Variants in CAMSAP2 observed in about 807,000 individuals in gnomAD.
The protein encoded by CAMSAP2 is calmodulin regulated spectrin associated protein family member 2, also known as calmodulin-regulated spectrin-associated protein 2.
A neutral mutation model predicts 146.1 loss-of-function variants in CAMSAP2; 26 were observed. The ratio of observed to expected loss-of-function variants is 0.18; its 90% CI spans 0.13 to 0.25. The LOEUF is 0.25. CAMSAP2 is among the 10% of genes least tolerant of loss of function. CAMSAP2 has a pLI of 1.00. For missense variants in CAMSAP2, 1,381 were observed against 1,759.3 expected (o/e 0.78, Z 3.85); for synonymous variants, 499 against 596.6 (o/e 0.84, Z 2.38).
chr1:200,830,503 C>A (rs980372099), intron 4 of CAMSAP2, among the ~76,000 whole-genome samples: 1 of 152,182 alleles, frequency 6.6e-6, no homozygotes, highest in South Asian at 2.1e-4. Flanking sequence ...TGAGGATGTC[C>A]AAGAGGCAGA....
At chr1:200,817,047 T>C (rs545759222) in intron 4 of CAMSAP2, among the ~76,000 whole-genome samples, 5 of 140,820 alleles carry the variant, frequency 3.6e-5, no homozygotes, top group Non-Finnish European at 8.0e-5. Context: ...CATACACACG[T>C]GTATGTGTAT....
rs199923397 is a variant in CAMSAP2, at chr1:200,747,974, G to A, written c.139+8008G>A. 9.7e-4 allele frequency among the ~76,000 whole-genome samples: 133 copies of A among 137,720 alleles called. No individual in the cohort carries two copies. In the East Asian group the frequency reaches 0.024, roughly 25 times the overall value. 90.3% of individuals were successfully genotyped at this position (137,720 alleles called of 152,430 possible). On this transcript the variant is annotated intron_variant, in intron 1 of 16. Transcript: ENST00000358823. ...TGCACTCCAGCCTGGGCGACAGAGC[G>A]AGACTCCGTCTCAAAAAAAAAAAAA...
chr1:200,831,336 A>G (rs912674876), intron 4 of CAMSAP2, among the ~76,000 whole-genome samples: 4 of 152,148 alleles, frequency 2.6e-5, no homozygotes, highest in Admixed American at 6.5e-5. Context: ...CAGTGGTTCT[A>G]TGAAGTGGGT....
intron 14 of CAMSAP2, among the ~76,000 whole-genome samples, chr1:200,855,650 G>A (rs1667729832): frequency 6.6e-6 from 1 of 151,696 alleles, no homozygotes; most frequent in Admixed American, 6.6e-5. Flanking sequence ...AGGCTAGAGT[G>A]CAGTGACACG....
chr1:200,830,366 G>A (rs1185333239), intron 4 of CAMSAP2, among the ~76,000 whole-genome samples: 1 of 152,330 alleles, frequency 6.6e-6, no homozygotes, highest in Non-Finnish European at 1.5e-5. Flanking sequence ...TTGTACAAAA[G>A]TGCTACTTTG....
chr1:200,765,537 T>C (rs1025722707), intron 2 of CAMSAP2, among the ~76,000 whole-genome samples: 2 of 152,146 alleles, frequency 1.3e-5, no homozygotes, highest in African/African-American at 4.8e-5. Context: ...CCATATGTTA[T>C]GTTCTATGTA....
intron 2 of CAMSAP2, among the ~76,000 whole-genome samples, chr1:200,792,683 G>A (rs1210623013): frequency 1.3e-5 from 2 of 152,146 alleles, no homozygotes; most frequent in African/African-American, 4.8e-5. Context: ...ATCCCAAAAA[G>A]TTACATACTG....
Position 200,834,608 on chromosome 1 carries a change from C to T in CAMSAP2, c.927+1763C>T, listed in dbSNP as rs1035612408. 3.3e-5 allele frequency among the ~76,000 whole-genome samples: 5 copies of T among 152,166 alleles called. No individual in the cohort carries two copies. The East Asian group carries it at 9.7e-4, about 29-fold the overall frequency. ...TTGAGTCATATTAATTTATGAAATA[C>T]TGAACTACAATATAAAAACTTCAGG... is the stretch of plus-strand genomic sequence containing the variant. On this transcript the variant is annotated intron_variant, in intron 6 of 16. Transcript: ENST00000358823.
chr1:200,853,384 G>A lies in CAMSAP2; in HGVS notation c.3712G>A (p.Asp1238Asn), dbSNP rs1444579661. The A allele has an allele frequency of 6.2e-7, 1 of 1,613,772 alleles. No individual in the cohort carries two copies. Among genetic ancestry groups the A allele is most frequent in the Admixed American group, 1.7e-5 (1 of 60,004 alleles). ...ACAACTGAAACTAATGGAAGATATGGATACAGTAATTAAACCCCGTCCTCA... is the reference window on the plus strand; with the variant it reads ...ACAACTGAAACTAATGGAAGATATGAATACAGTAATTAAACCCCGTCCTCA... ...RKQLKLMEDM[D>N]TVIKPRPQVV... The change falls in exon 13 of 17, where the codon GAT becomes AAT. Residue 1238 changes from aspartate to asparagine, a missense_variant. Transcript: ENST00000358823. This position sits in a 1 kb window ranked among gnomAD's most constrained non-coding sequence, Gnocchi z 5.1.
At chr1:200,817,827 A>G (rs1475595482) in intron 4 of CAMSAP2, among the ~76,000 whole-genome samples, 2 of 152,170 alleles carry the variant, frequency 1.3e-5, no homozygotes, top group African/African-American at 4.8e-5. Flanking sequence ...TTTGTGCTTA[A>G]TCCTTCATTC....
At chr1:200,855,404 G>A (rs1443242473) in intron 14 of CAMSAP2, among the ~76,000 whole-genome samples, 3 of 150,082 alleles carry the variant, frequency 2.0e-5, no homozygotes, top group Admixed American at 2.0e-4. Context: ...TATCATATCA[G>A]AAAAGAACAT....
At chr1:200,750,896 C>T (rs1161512536) in intron 1 of CAMSAP2, among the ~76,000 whole-genome samples, 1 of 122,966 alleles carries the variant, frequency 8.1e-6, no homozygotes, top group African/African-American at 2.9e-5. Flanking sequence ...AGCCACCGCG[C>T]CTGCCTTTTT....
At chr1:200,785,280 T>G (rs758414608) in intron 2 of CAMSAP2, among the ~76,000 whole-genome samples, 2 of 152,186 alleles carry the variant, frequency 1.3e-5, no homozygotes, top group Non-Finnish European at 2.9e-5. Context: ...TGTTCCCTAC[T>G]CCACTGTTTT....
intron 1 of CAMSAP2, among the ~76,000 whole-genome samples, chr1:200,756,231 TC>T (rs1268004519): frequency 4.6e-5 from 7 of 152,128 alleles, no homozygotes; most frequent in Non-Finnish European, 8.8e-5. Context: ...GGCGGGCAGA[TC>T]ATCTGAGGTC....
In CAMSAP2 at chr1:200,739,375, C is replaced by G. The variant is rs1021492231; in HGVS notation, c.-453C>G. On this transcript the variant is annotated 5_prime_UTR_variant, in exon 1 of 17. Transcript: ENST00000358823. The surrounding 1 kb of genome is among the most constrained non-coding windows in gnomAD (Gnocchi z 4.8). ...GGGAGGCGAGGGCGTGCGGGCATCG[C>G]GATGGCGGGGACATTTTCCACAACG... Among the ~76,000 whole-genome samples, 1 of 152,160 alleles carries G rather than the reference C, an allele frequency of 6.6e-6. No homozygotes were observed. The highest frequency in any genetic ancestry group is 1.5e-5 in the Non-Finnish European group (1 of 68,000).
intron 4 of CAMSAP2, among the ~76,000 whole-genome samples, chr1:200,825,610 G>A (rs1049873531): frequency 2.0e-5 from 3 of 151,392 alleles, no homozygotes; most frequent in South Asian, 2.1e-4. Context: ...AGGTTCAAGC[G>A]ATTCTTCTGC....
At position 200,832,690 on chromosome 1, in the gene CAMSAP2, C is replaced by G. The variant is rs776583920; in HGVS notation, c.788-16C>G. The G allele has an allele frequency of 4.4e-6, 7 of 1,584,314 alleles. No homozygotes were observed. Among genetic ancestry groups the G allele is most frequent in the South Asian group, 3.5e-5 (3 of 85,202 alleles). On this transcript the variant is annotated splice_polypyrimidine_tract_variant and intron_variant, in intron 5 of 16. Coordinates refer to ENST00000358823, the MANE Select transcript of CAMSAP2 (RefSeq NM_203459.4). This position sits in a 1 kb window ranked among gnomAD's most constrained non-coding sequence, Gnocchi z 4.2. The stretch of plus-strand genomic sequence containing the variant: ...ATTAATCCAAAGTCACCACCTTGCT[C>G]TTTTCTTATTTGAAGATATTTGTTT...
intron 4 of CAMSAP2, among the ~76,000 whole-genome samples, chr1:200,819,187 T>G (rs1202458515): frequency 2.0e-5 from 3 of 152,198 alleles, no homozygotes; most frequent in Non-Finnish European, 4.4e-5. Flanking sequence ...GATCATTGGA[T>G]TGGGTGGTGT....
intron 2 of CAMSAP2, among the ~76,000 whole-genome samples, chr1:200,788,297 G>A (rs1232014823): frequency 6.6e-6 from 1 of 152,148 alleles, no homozygotes; most frequent in Non-Finnish European, 1.5e-5. Context: ...GAATGTCTTG[G>A]TTGCTTCCAA....
Sources: gnomAD v4.1 joint callset for allele counts (sites outside exome capture counted in the v4.1 genomes callset) on GRCh38, gnomAD v4.1.1 for gene constraint, Gnocchi (gnomAD v3.1) non-coding constraint, MANE v1.5 for transcripts, NCBI Gene and HGNC (gene_info 2026-07-23, HGNC 2026-07-21) for gene names.